SMARCA1: variants seen among roughly 807,000 people sequenced by gnomAD.
The protein encoded by SMARCA1 is SNF2 related chromatin remodeling ATPase 1, also known as SWI/SNF-related matrix-associated actin-dependent regulator of chromatin subfamily A member 1.
A neutral mutation model predicts 93.6 loss-of-function variants in SMARCA1; 17 were observed. The ratio of observed to expected loss-of-function variants is 0.18; its 90% CI spans 0.12 to 0.27. The LOEUF (loss-of-function observed/expected upper bound fraction) is 0.27. SMARCA1 is among the 10% of genes least tolerant of loss of function. SMARCA1 has a pLI of 1.00. For missense variants in SMARCA1, 630 were observed against 819.0 expected, an observed-to-expected ratio of 0.77 and a Z score of 2.82; for synonymous variants, 271 against 271.4, an observed-to-expected ratio of 1.00 and a Z score of 0.01.
At chrX:129,481,225 A>C (rs372885357) in intron 17 of SMARCA1, 40 bp from the exon 18 acceptor site, 2 of 841,032 alleles carry the variant, frequency 2.4e-6, no homozygotes, top group South Asian at 4.4e-5. Context: ...TAATGACTCC[A>C]AACAACAGTT....
rs1395699489 is a variant in SMARCA1 at position 129,468,643 on chromosome X, T to C, written c.2698+130A>G. ...TAACCTTTTCATAGAAATACAATTATAGTTTATACTCTCATCTATGTCTTA... is the reference window on the plus strand; with the variant it reads ...TAACCTTTTCATAGAAATACAATTACAGTTTATACTCTCATCTATGTCTTA... On this transcript the variant is annotated intron_variant, in intron 21 of 24. Transcript: ENST00000371121. The C allele has an allele frequency of 1.5e-5, 6 of 407,118 alleles. No individual in the cohort carries two copies. In the East Asian group the frequency reaches 2.1e-4, roughly 14 times the overall value. The allele number at this position is 407,118 out of a possible 1,213,427, so 33.6% of individuals were successfully genotyped here.
intron 3 of SMARCA1, 63 bp from the exon 4 acceptor site, chrX:129,516,057 G>T: frequency 1.2e-6 from 1 of 829,132 alleles, no homozygotes; most frequent in Non-Finnish European, 1.8e-6. Context: ...AATTAAATCA[G>T]TGTACATGGC....
At chrX:129,491,235 T>C (rs185409644) in intron 14 of SMARCA1, among the ~76,000 whole-genome samples, 2 of 111,783 alleles carry the variant, frequency 1.8e-5, no homozygotes, top group Non-Finnish European at 3.8e-5. Flanking sequence ...CATAGCTATA[T>C]ATTCAAAACC....
intron 9 of SMARCA1, among the ~76,000 whole-genome samples, chrX:129,503,964 C>CAAAAAA (rs77290378): frequency 3.3e-5 from 2 of 60,204 alleles, no homozygotes; most frequent in Non-Finnish European, 6.3e-5. Context: ...GACTCTCTCT[C>CAAAAAA]AAAAAAAAAA....
chrX:129,492,518 T>C (rs1027675192), intron 13 of SMARCA1, among the ~76,000 whole-genome samples: 1 of 111,383 alleles, frequency 9.0e-6, no homozygotes, highest in Non-Finnish European at 1.9e-5. Flanking sequence ...CATTAGCTTA[T>C]GAATGATTAG....
intron 23 of SMARCA1, among the ~76,000 whole-genome samples, chrX:129,453,944 T>C (rs1299532029): frequency 8.9e-6 from 1 of 111,861 alleles, no homozygotes; most frequent in Admixed American, 9.5e-5. Context: ...AAAACTACTT[T>C]AAATTTCATA....
At chrX:129,507,191 G>C (rs907618019) in intron 7 of SMARCA1, among the ~76,000 whole-genome samples, 1 of 111,547 alleles carries the variant, frequency 9.0e-6, no homozygotes, top group Non-Finnish European at 1.9e-5. Context: ...GATCCAAAGA[G>C]AGGTTCATCA....
chrX:129,492,051 T>C lies in SMARCA1; in HGVS notation c.1705A>G (p.Ile569Val). The C allele has an allele frequency of 8.5e-7, 1 of 1,182,790 alleles. No homozygotes were observed. The highest frequency in any genetic ancestry group is 1.1e-6 in the Non-Finnish European group (1 of 870,098). Reference sequence around the variant, plus strand: ...CCAGCCCTGGTACTTAGCATAAAGATGAATTTGCTACTATTAGGAGCATTA... The same window carrying C: ...CCAGCCCTGGTACTTAGCATAAAGACGAATTTGCTACTATTAGGAGCATTA... Reference protein sequence around the residue: ...AFNAPNSSKFIFMLSTRAGGL... With the variant: ...AFNAPNSSKFVFMLSTRAGGL... Residue 569 changes from isoleucine to valine, a missense_variant, in exon 14 of 25, where the codon ATC becomes GTC. Ile to Val is a conservative substitution (Grantham distance 29). This residue lies in a region of SMARCA1 where 382 missense variants were observed against 537.9 expected (regional missense o/e 0.71). Coordinates refer to ENST00000371121, the MANE Select transcript of SMARCA1 (RefSeq NM_001282874.2).
At chrX:129,484,202 A>G (rs1030543468) in intron 17 of SMARCA1, among the ~76,000 whole-genome samples, 1 of 112,453 alleles carries the variant, frequency 8.9e-6, no homozygotes, top group African/African-American at 3.2e-5. Context: ...ACTGGTATTT[A>G]GACTTCATTG....
In SMARCA1 at chrX:129,480,045, T is replaced by A. The variant is rs760553719; in HGVS notation, c.2442+656A>T. On this transcript the variant is annotated intron_variant, in intron 19 of 24. Coordinates refer to ENST00000371121, the MANE Select transcript of SMARCA1 (RefSeq NM_001282874.2). The stretch of plus-strand genomic sequence containing the variant: ...TTAGTGATTATTATACCTTTGGTCA[T>A]CTCTCTCCATTCACTAGGAAGTCAA... Among the ~76,000 whole-genome samples the A allele has an allele frequency of 4.5e-5, 5 of 112,118 alleles. No individual in the cohort carries two copies. In the East Asian group the frequency reaches 1.4e-3, roughly 31 times the overall value.
At chrX:129,521,972 C>T (rs998790219) in intron 1 of SMARCA1, among the ~76,000 whole-genome samples, 10 of 111,645 alleles carry the variant, frequency 9.0e-5, no homozygotes, top group African/African-American at 2.9e-4. Context: ...TTCATTTGGT[C>T]GTATAGTATC....
chrX:129,488,610 T>TA (rs35620990), intron 16 of SMARCA1, among the ~76,000 whole-genome samples: 1,455 of 64,848 alleles, frequency 0.022, 18 homozygotes, highest in African/African-American at 0.035. Context: ...CCTGTCTCTT[T>TA]AAAAAAAAAA....
In SMARCA1 at chrX:129,516,456, C is replaced by T; in HGVS notation, c.303G>A (p.Gln101=). Residue 101 remains glutamine (Q), a synonymous_variant, in exon 3 of 25, where the codon CAG becomes CAA. Transcript: ENST00000371121. ...GAATGAAATGTGCAAAAAGTTCTGT[C>T]TGCTTCAGTAAAAATTCAAATCTCT... ...RAKRFEFLLK[Q]TELFAHFIQP... 2 of 1,208,613 alleles carry T rather than the reference C, an allele frequency of 1.7e-6. No homozygotes were observed. Among genetic ancestry groups the T allele is most frequent in the Non-Finnish European group, 2.2e-6 (2 of 894,078 alleles).
chrX:129,491,809 G>T, intron 14 of SMARCA1, 132 bp downstream of exon 14: 1 of 407,475 alleles, frequency 2.5e-6, no homozygotes, highest in Non-Finnish European at 4.1e-6. Flanking sequence ...TGTTTTCCAG[G>T]ATAATCTACT....
intron 11 of SMARCA1, among the ~76,000 whole-genome samples, chrX:129,497,236 A>G (rs1330174936): frequency 9.0e-6 from 1 of 110,844 alleles, no homozygotes; most frequent in African/African-American, 3.3e-5. Context: ...CTCATCCTCA[A>G]TAGACCCCCA....
At chrX:129,496,630 A>C in intron 12 of SMARCA1, 120 bp downstream of exon 12, 1 of 533,498 alleles carries the variant, frequency 1.9e-6, no homozygotes, top group Middle Eastern at 4.7e-4. Flanking sequence ...AGAGATGCTA[A>C]TGAGAAATTC....
intron 19 of SMARCA1, among the ~76,000 whole-genome samples, chrX:129,473,449 T>C (rs187189473): frequency 8.9e-6 from 1 of 112,261 alleles, no homozygotes; most frequent in East Asian, 2.8e-4. Context: ...AGCAATTCCA[T>C]TCCTAAGTAT....
intron 9 of SMARCA1, among the ~76,000 whole-genome samples, chrX:129,502,839 A>T (rs1164753693): frequency 8.9e-6 from 1 of 111,856 alleles, no homozygotes; most frequent in Non-Finnish European, 1.9e-5. Context: ...AGTCAGTTAA[A>T]AAGATAGAAA....
chrX:129,512,410 C>T (rs1249291512), intron 5 of SMARCA1, among the ~76,000 whole-genome samples: 3 of 111,624 alleles, frequency 2.7e-5, no homozygotes, highest in Non-Finnish European at 5.6e-5. Flanking sequence ...TTATTACAGC[C>T]CAGATATTAA....
Sources: gnomAD v4.1 joint callset for allele counts (sites outside exome capture counted in the v4.1 genomes callset) on GRCh38, gnomAD v4.1.1 for gene constraint, gnomAD v4.1.1 regional missense constraint, MANE v1.5 for transcripts, NCBI Gene and HGNC (gene_info 2026-07-23, HGNC 2026-07-21) for gene names.